Variants in SLC27A6 observed in about 807,000 individuals in gnomAD.
SLC27A6 encodes the protein solute carrier family 27 member 6, also known as long-chain fatty acid transport protein 6.
A neutral mutation model predicts 63.9 loss-of-function variants in SLC27A6; 74 were observed. The observed-to-expected ratio is 1.16, with a 90% CI of 0.96 to 1.40. The LOEUF (loss-of-function observed/expected upper bound fraction) is 1.40, where lower values mean the gene tolerates loss of function less well. Among genes scored for constraint, SLC27A6 ranks in the 40% most tolerant of loss-of-function variants. SLC27A6 has a pLI of 0.00. For missense variants in SLC27A6, 794 were observed against 732.9 expected (o/e 1.08, Z -0.96); for synonymous variants, 287 against 260.8 (o/e 1.10, Z -0.97).
At chr5:129,001,477 G>A (rs940036869) in intron 4 of SLC27A6, among the ~76,000 whole-genome samples, 1 of 152,180 alleles carries the variant, frequency 6.6e-6, no homozygotes, top group African/African-American at 2.4e-5. Context: ...GTGTGTTGGT[G>A]TGACACATGT....
chr5:128,995,845 A>G (rs939149415), intron 4 of SLC27A6, among the ~76,000 whole-genome samples: 2 of 152,156 alleles, frequency 1.3e-5, no homozygotes, highest in Non-Finnish European at 2.9e-5. Flanking sequence ...AAAAACTGGA[A>G]AAAATTAGAC....
intron 5 of SLC27A6, 77 bp downstream of exon 5, chr5:129,016,156 G>A (rs577112466): frequency 1.2e-5 from 12 of 978,298 alleles, no homozygotes; most frequent in South Asian, 7.0e-5. Context: ...ACTTTGGGAC[G>A]CCGAGGTGGG....
chr5:128,981,884 G>A (rs1214869572), intron 1 of SLC27A6, among the ~76,000 whole-genome samples: 1 of 151,120 alleles, frequency 6.6e-6, no homozygotes. Flanking sequence ...CGTGATCTTG[G>A]CTCACTGCAA....
chr5:128,995,536 G>C (rs1751129192), intron 4 of SLC27A6, among the ~76,000 whole-genome samples: 1 of 152,210 alleles, frequency 6.6e-6, no homozygotes, highest in Non-Finnish European at 1.5e-5. Context: ...TGGACTGTGG[G>C]AGTAGGACAT....
intron 4 of SLC27A6, among the ~76,000 whole-genome samples, chr5:128,991,457 T>C (rs1750980052): frequency 6.6e-6 from 1 of 152,202 alleles, no homozygotes; most frequent in African/African-American, 2.4e-5. Flanking sequence ...ACTAATGTGC[T>C]TTGTACTGTA....
intron 5 of SLC27A6, among the ~76,000 whole-genome samples, chr5:129,020,680 T>C (rs1024525537): frequency 6.6e-6 from 1 of 152,118 alleles, no homozygotes; most frequent in Non-Finnish European, 1.5e-5. Context: ...AGGTGTCTTT[T>C]AGGGATGAGG....
At chr5:128,966,932 C>T (rs1749926855) in intron 1 of SLC27A6, among the ~76,000 whole-genome samples, 1 of 152,164 alleles carries the variant, frequency 6.6e-6, no homozygotes, top group South Asian at 2.1e-4. Flanking sequence ...TTTATCAGCT[C>T]TGACAAAATG....
chr5:129,025,488 T>C (rs1349857805), intron 6 of SLC27A6, among the ~76,000 whole-genome samples: 2 of 152,098 alleles, frequency 1.3e-5, no homozygotes, highest in Admixed American at 6.6e-5. Flanking sequence ...TTGACAGCTG[T>C]ATGACATTGG....
chr5:128,976,871 G>T, intron 1 of SLC27A6, among the ~76,000 whole-genome samples: 1 of 152,276 alleles, frequency 6.6e-6, no homozygotes, highest in East Asian at 1.9e-4. Context: ...GTTTTTTAAA[G>T]GTCTCTATTT....
rs545042401 is a variant in SLC27A6, at chr5:128,965,930, C to A, written c.-208C>A. On this transcript the variant is annotated 5_prime_UTR_variant, in exon 1 of 10. Transcript: ENST00000262462. Reference sequence around the variant, plus strand: ...AGTGACCCAAGCTTAATCTTCAGCACCACTTGGGGCGACCTTTTCGGTGCA... The same window carrying A: ...AGTGACCCAAGCTTAATCTTCAGCAACACTTGGGGCGACCTTTTCGGTGCA... The A allele has an allele frequency of 1.2e-5, 6 of 496,542 alleles. No homozygotes were observed. The East Asian group carries it at 2.0e-4, about 16-fold the overall frequency. The allele number at this position is 496,542 out of a possible 1,614,324, so 30.8% of individuals were successfully genotyped here.
At chr5:129,028,607 T>G (rs1233777829) in intron 8 of SLC27A6, among the ~76,000 whole-genome samples, 165 bp downstream of exon 8, 4 of 151,974 alleles carry the variant, frequency 2.6e-5, no homozygotes, top group African/African-American at 9.7e-5. Context: ...CTAACAAAGT[T>G]CATGATCACA....
chr5:129,022,462 A>G (rs1445641047), intron 5 of SLC27A6, among the ~76,000 whole-genome samples: 3 of 152,148 alleles, frequency 2.0e-5, no homozygotes, highest in Non-Finnish European at 4.4e-5. Flanking sequence ...ATGATAAATA[A>G]TACTATTGCA....
intron 5 of SLC27A6, among the ~76,000 whole-genome samples, chr5:129,018,845 T>A (rs566751981): frequency 2.0e-5 from 3 of 152,156 alleles, no homozygotes; most frequent in Non-Finnish European, 4.4e-5. Context: ...ATTTTAGTTT[T>A]CTTTTTCAGT....
chr5:128,998,139 A>T (rs2150140529), intron 4 of SLC27A6, among the ~76,000 whole-genome samples: 1 of 130,276 alleles, frequency 7.7e-6, no homozygotes, highest in South Asian at 2.5e-4. Context: ...AAAAAAAAAA[A>T]TTAGCCAGGG....
At chr5:128,992,130 GGGGC>G (rs1751005940) in intron 4 of SLC27A6, among the ~76,000 whole-genome samples, 5 of 137,006 alleles carry the variant, frequency 3.6e-5, no homozygotes, top group African/African-American at 1.6e-4. Flanking sequence ...TACGTGGGGT[GGGGC>G]AACAGAACCT....
At chr5:128,990,580 CT>C in intron 4 of SLC27A6, 116 bp downstream of exon 4, 1 of 1,092,816 alleles carries the variant, frequency 9.2e-7, no homozygotes, top group Non-Finnish European at 1.3e-6. Flanking sequence ...GGTCTTTGTT[CT>C]TAGAGCTTCC....
intron 1 of SLC27A6, among the ~76,000 whole-genome samples, chr5:128,971,584 C>CT (rs201786554): frequency 0.047 from 6,438 of 137,364 alleles, 167 homozygotes; most frequent in South Asian, 0.076. Context: ...GCAACCCCTG[C>CT]TTTTTGTTTT....
chr5:128,992,140 AACCTT>A (rs1340253397), intron 4 of SLC27A6, among the ~76,000 whole-genome samples: 1 of 134,700 alleles, frequency 7.4e-6, no homozygotes, highest in East Asian at 2.1e-4. Context: ...GGGGCAACAG[AACCTT>A]GGCCTTTGAG....
intron 1 of SLC27A6, among the ~76,000 whole-genome samples, chr5:128,977,472 T>C (rs1750429362): frequency 6.7e-6 from 1 of 148,908 alleles, no homozygotes; most frequent in East Asian, 2.0e-4. Context: ...AGGAAAGGGG[T>C]GGGGGAACAA....
Sources: gnomAD v4.1 joint callset for allele counts (sites outside exome capture counted in the v4.1 genomes callset) on GRCh38, gnomAD v4.1.1 for gene constraint, MANE v1.5 for transcripts, NCBI Gene and HGNC (gene_info 2026-07-23, HGNC 2026-07-21) for gene names.